Variants in ZEB1 observed in about 807,000 individuals in gnomAD.
ZEB1 encodes zinc finger E-box binding homeobox 1, also known as zinc finger E-box-binding homeobox 1.
A neutral mutation model predicts 84.9 loss-of-function variants in ZEB1; 21 were observed. The ratio of observed to expected loss-of-function variants is 0.25; its 90% CI spans 0.18 to 0.36. The LOEUF is 0.36. Among genes scored for constraint, ZEB1 ranks in the 10% least tolerant of loss-of-function variants. ZEB1 has a pLI of 1.00. For missense variants in ZEB1, 1,104 were observed against 1,330.2 expected (o/e 0.83, Z 2.65); for synonymous variants, 420 against 471.1 (o/e 0.89, Z 1.41).
rs139540482 is a variant in ZEB1, at chr10:31,453,508, A to G, written c.59-7529A>G. On this transcript the variant is annotated intron_variant, in intron 1 of 8. Coordinates refer to ENST00000424869, the MANE Select transcript of ZEB1 (RefSeq NM_001174096.2). ...CATATAAGTTATCTAATGCTTTTTT[A>G]TGATTGTACATTACTTAAGAAACAG... 5.3e-5 allele frequency among the ~76,000 whole-genome samples: 8 copies of G among 152,332 alleles called. No homozygotes were observed. The East Asian group carries it at 1.5e-3, about 29-fold the overall frequency.
chr10:31,391,457 A>AGT (rs2049711178), intron 1 of ZEB1, among the ~76,000 whole-genome samples: 1 of 152,084 alleles, frequency 6.6e-6, no homozygotes, highest in Non-Finnish European at 1.5e-5. Context: ...GAGACAATTT[A>AGT]CTGTCATTTG....
chr10:31,502,214 A>T, intron 3 of ZEB1, 134 bp from the exon 4 acceptor site: 1 of 912,056 alleles, frequency 1.1e-6, no homozygotes, highest in Non-Finnish European at 1.6e-6. Flanking sequence ...ATTCATTTTT[A>T]ATTTTCAAGA....
At chr10:31,457,596 T>G (rs161271) in intron 1 of ZEB1, among the ~76,000 whole-genome samples, 11,874 of 152,098 alleles carry the variant, frequency 0.078, 656 homozygotes, top group African/African-American at 0.16. Flanking sequence ...ATATACAATC[T>G]CTGTGTTTTG....
intron 1 of ZEB1, among the ~76,000 whole-genome samples, chr10:31,371,063 T>C (rs75751118): frequency 0.015 from 2,310 of 152,236 alleles, 53 homozygotes; most frequent in African/African-American, 0.052. Context: ...ATATTTAAGA[T>C]TATATAAAAA....
In ZEB1 at chr10:31,347,193, A is replaced by ACTT. The variant is rs1258380977; in HGVS notation, c.58+27901_58+27902insCTT. 1.1e-4 allele frequency among the ~76,000 whole-genome samples: 17 copies of ACTT among 152,306 alleles called. No individual in the cohort carries two copies. The East Asian group carries it at 3.3e-3, about 29-fold the overall frequency. On this transcript the variant is annotated intron_variant, in intron 1 of 8. Transcript: ENST00000424869. ...AATGAATTGTGCAATGCCAGTTTAA[A>ACTT]GAAACTAAAGCAATGTATTTCTTAC...
intron 1 of ZEB1, among the ~76,000 whole-genome samples, chr10:31,442,999 G>A (rs965928022): frequency 6.6e-6 from 1 of 152,154 alleles, no homozygotes; most frequent in African/African-American, 2.4e-5. Flanking sequence ...ATAGAATTAG[G>A]AGTGCTGGAG....
At chr10:31,381,094 G>A (rs2047544847) in intron 1 of ZEB1, among the ~76,000 whole-genome samples, 1 of 152,062 alleles carries the variant, frequency 6.6e-6, no homozygotes, top group Non-Finnish European at 1.5e-5. Flanking sequence ...TTAAATTCAG[G>A]AATGAAACAA....
chr10:31,459,349 T>C (rs1319997728), intron 1 of ZEB1, among the ~76,000 whole-genome samples: 2 of 152,066 alleles, frequency 1.3e-5, no homozygotes, highest in Non-Finnish European at 2.9e-5. Context: ...ATATTAAATA[T>C]AAGATAAGGT....
intron 8 of ZEB1, among the ~76,000 whole-genome samples, chr10:31,524,335 C>T (rs1336404790): frequency 2.0e-5 from 3 of 152,116 alleles, no homozygotes; most frequent in African/African-American, 7.2e-5. Context: ...CCTTTCATCT[C>T]AGCCTCCTGA....
chr10:31,468,729 C>A (rs1428467538), intron 2 of ZEB1, among the ~76,000 whole-genome samples: 2 of 152,152 alleles, frequency 1.3e-5, no homozygotes, highest in Non-Finnish European at 1.5e-5. Context: ...CCAAAGGACA[C>A]AACCCAACAT....
At chr10:31,431,343 A>T (rs1322453530) in intron 1 of ZEB1, among the ~76,000 whole-genome samples, 1 of 152,196 alleles carries the variant, frequency 6.6e-6, no homozygotes. Context: ...CATTCATTAT[A>T]CTATACACTT....
intron 1 of ZEB1, among the ~76,000 whole-genome samples, chr10:31,342,388 TG>T (rs1243380614): frequency 3.4e-4 from 52 of 152,158 alleles, no homozygotes; most frequent in Middle Eastern, 3.4e-3. Context: ...CTGAGGATAG[TG>T]GAAATAAAGG....
intron 1 of ZEB1, among the ~76,000 whole-genome samples, chr10:31,335,027 C>T (rs2037698281): frequency 6.6e-6 from 1 of 151,788 alleles, no homozygotes; most frequent in Admixed American, 6.6e-5. Context: ...TTACGAAGCT[C>T]TAAGTATAAA....
At chr10:31,444,888 G>A (rs2059556593) in intron 1 of ZEB1, among the ~76,000 whole-genome samples, 1 of 152,120 alleles carries the variant, frequency 6.6e-6, no homozygotes, top group Non-Finnish European at 1.5e-5. Flanking sequence ...GATTGACTTG[G>A]CGATGCAGGT....
intron 2 of ZEB1, among the ~76,000 whole-genome samples, chr10:31,488,521 T>TG (rs952320750): frequency 6.7e-5 from 9 of 134,054 alleles, no homozygotes; most frequent in African/African-American, 2.8e-4. Flanking sequence ...GTCTCACTGT[T>TG]TTTTTTTTTA....
chr10:31,424,196 A>G (rs1471176900), intron 1 of ZEB1, among the ~76,000 whole-genome samples: 1 of 152,002 alleles, frequency 6.6e-6, no homozygotes, highest in African/African-American at 2.4e-5. Flanking sequence ...CATCAGCTTT[A>G]TGGAGTTATT....
intron 1 of ZEB1, among the ~76,000 whole-genome samples, chr10:31,446,398 GTCTC>G (rs1327158001): frequency 1.0e-3 from 153 of 151,596 alleles, no homozygotes; most frequent in African/African-American, 3.6e-3. Context: ...AGGGTTTTTT[GTCTC>G]TCTATTTCCT....
In ZEB1 at chr10:31,521,309, C is replaced by G. The variant is rs151205909; in HGVS notation, c.1977C>G (p.Asn659Lys). The change falls in exon 7 of 9, where the codon AAC becomes AAG. Residue 659 changes from asparagine (N) to lysine (K), a missense_variant. Asn to Lys is a moderately conservative substitution (Grantham distance 94, BLOSUM62 0). Around this residue, in one of 7 missense-constraint regions of ZEB1, gnomAD observed 531 missense variants for 575.2 expected, o/e 0.92. Transcript: ENST00000424869. ...EPGKVNIPAK[N>K]NDQPQSANAN... ...GCAAAGTAAATATCCCTGCCAAGAA[C>G]AATGATCAGCCTCAATCTGCAAATG... 1.5e-4 allele frequency: 249 copies of G among 1,614,064 alleles called. 2 individuals carry two copies. In the African/African-American group the frequency reaches 3.1e-3, roughly 20 times the overall value.
At chr10:31,356,474 A>G (rs890283398) in intron 1 of ZEB1, among the ~76,000 whole-genome samples, 6 of 152,114 alleles carry the variant, frequency 3.9e-5, no homozygotes, top group African/African-American at 1.2e-4. Flanking sequence ...TACATGAAGA[A>G]TTTAACCCTT....
Sources: allele counts gnomAD v4.1 joint callset (sites outside exome capture counted in the v4.1 genomes callset), GRCh38; gene constraint gnomAD v4.1.1; regional missense constraint gnomAD v4.1.1; transcripts MANE v1.5; gene names NCBI Gene and HGNC (gene_info 2026-07-23, HGNC 2026-07-21).